EVI5L: variants seen among roughly 807,000 people sequenced by gnomAD.
EVI5L encodes the protein EVI5-like protein.
A neutral mutation model predicts 106.1 loss-of-function variants in EVI5L; 30 were observed. The observed-to-expected ratio is 0.28, with a 90% CI of 0.21 to 0.38. The LOEUF is 0.38. Among genes scored for constraint, EVI5L ranks in the 10% least tolerant of loss-of-function variants. The pLI, the probability that EVI5L is intolerant of heterozygous loss-of-function variation, is 1.00. For synonymous variants in EVI5L, 489 were observed against 483.3 expected, an observed-to-expected ratio of 1.01 and a Z score of -0.15; for missense variants, 809 against 1,098.0, an observed-to-expected ratio of 0.74 and a Z score of 3.72.
chr19:7,861,263 C>G (rs1170360526), intron 14 of EVI5L, among the ~76,000 whole-genome samples: 1 of 152,254 alleles, frequency 6.6e-6, no homozygotes, highest in Non-Finnish European at 1.5e-5. Context: ...AGGCCCTCAT[C>G]ACCAGCCAAG....
chr19:7,847,997 G>T, intron 3 of EVI5L, 76 bp downstream of exon 3: 1 of 1,457,288 alleles, frequency 6.9e-7, no homozygotes, highest in East Asian at 2.5e-5. Context: ...ACCAGGCAGC[G>T]CCAGGGTCTG....
chr19:7,862,044 G>A, intron 15 of EVI5L, 26 bp downstream of exon 15: 2 of 1,538,414 alleles, frequency 1.3e-6, no homozygotes, highest in South Asian at 1.2e-5. Context: ...GCGCCGGCGG[G>A]CAGAGCGCCC....
At chr19:7,862,939 C>CGG in intron 17 of EVI5L, 33 bp from the exon 18 acceptor site, 1 of 1,424,896 alleles carries the variant, frequency 7.0e-7, no homozygotes, top group Non-Finnish European at 9.4e-7. Flanking sequence ...CCCCCTGACC[C>CGG]GCCCTCCTTT....
rs1491081562 is a variant in EVI5L, at chr19:7,857,785, CTG to C, written c.1234-405_1234-404del. ...GATGCCGCTGGGAGAGGTGAATGCC[CTG>C]GGGAGCCCAGCCCTCTCCTGCCGGG... is the stretch of plus-strand genomic sequence containing the variant. On this transcript the variant is annotated intron_variant, in intron 12 of 19. Coordinates refer to ENST00000538904, the MANE Select transcript of EVI5L (RefSeq NM_001159944.3). The surrounding 1 kb of genome is among the most constrained non-coding windows in gnomAD (Gnocchi z 4.5). 3 of 201,138 alleles carry C rather than the reference CTG, an allele frequency of 1.5e-5. No individual in the cohort carries two copies. The highest frequency in any genetic ancestry group is 4.7e-5 in the African/African-American group (2 of 42,740). 12.5% of individuals were successfully genotyped at this position (201,138 alleles called of 1,614,324 possible).
rs1568240666 is a variant in EVI5L, at chr19:7,853,071, G to C, written c.988-15G>C. 6.2e-7 allele frequency: 1 copy of C among 1,613,458 alleles called. No individual in the cohort carries two copies. The highest frequency in any genetic ancestry group is 1.1e-5 in the South Asian group (1 of 91,074). On this transcript the variant is annotated splice_polypyrimidine_tract_variant and intron_variant, in intron 8 of 19. Coordinates refer to ENST00000538904, the MANE Select transcript of EVI5L (RefSeq NM_001159944.3). ...CTGCATGTTGGTGACCAGGTGACCG[G>C]CTGTGTCCCCACAGTACTTCCAGAG...
At position 7,863,765 on chromosome 19, in the gene EVI5L, C is replaced by A. The variant is rs138216298; in HGVS notation, c.*63C>A. On this transcript the variant is annotated 3_prime_UTR_variant, in exon 20 of 20. Coordinates refer to ENST00000538904, the MANE Select transcript of EVI5L (RefSeq NM_001159944.3). This position sits in a 1 kb window ranked among gnomAD's most constrained non-coding sequence, Gnocchi z 7.7. ...CCGCGGGGGGCGCCCGGGCAGTCCGCGTTCTGCTCCCCACCTGCCGCACTT... is the reference window on the plus strand; with the variant it reads ...CCGCGGGGGGCGCCCGGGCAGTCCGAGTTCTGCTCCCCACCTGCCGCACTT... The A allele has an allele frequency of 2.0e-4, 289 of 1,420,064 alleles. 1 individual carries two copies. In the African/African-American group the frequency reaches 3.9e-3, roughly 19 times the overall value. 88.0% of individuals were successfully genotyped at this position (1,420,064 alleles called of 1,614,324 possible). A position where few individuals can be genotyped will look rare whatever the true frequency, so the allele number is the denominator to read the frequency against.
intron 1 of EVI5L, among the ~76,000 whole-genome samples, chr19:7,841,661 G>A (rs766170934): frequency 5.1e-4 from 78 of 152,346 alleles, no homozygotes; most frequent in Middle Eastern, 3.4e-3. Flanking sequence ...AGATGGCTGA[G>A]GAGCAGTTGA....
Position 7,846,698 on chromosome 19 carries a change from G to A in EVI5L, c.137+19G>A, listed in dbSNP as rs1978968762. The A allele has an allele frequency of 1.2e-6, 2 of 1,608,128 alleles. No individual in the cohort carries two copies. The highest frequency in any genetic ancestry group is 1.7e-4 in the Middle Eastern group (1 of 6,020). ...AGAACCGGTGAGTTGGGGGCTGGGG[G>A]ATGGGGTGAAATCTTGGGGTGCAGT... On this transcript the variant is annotated intron_variant, in intron 2 of 19. Coordinates refer to ENST00000538904, the MANE Select transcript of EVI5L (RefSeq NM_001159944.3).
chr19:7,852,399 C>G (rs1030135879), intron 8 of EVI5L, among the ~76,000 whole-genome samples: 17 of 152,274 alleles, frequency 1.1e-4, no homozygotes, highest in African/African-American at 3.6e-4. Context: ...GGAGCTGTGT[C>G]CCCCCTGGGC....
At position 7,848,057 on chromosome 19, in the gene EVI5L, T is replaced by A. The variant is rs1353921138; in HGVS notation, c.327+136T>A. On this transcript the variant is annotated intron_variant, in intron 3 of 19. Transcript: ENST00000538904. The surrounding 1 kb of genome is among the most constrained non-coding windows in gnomAD (Gnocchi z 4.8). ...GCAGCAGTGGAGATGTGCAGGCACT[T>A]TCAGGGTGTCCTGCCAGAGCACAGG... The A allele has an allele frequency of 1.1e-6, 1 of 945,468 alleles. No individual in the cohort carries two copies. The highest frequency in any genetic ancestry group is 1.5e-6 in the Non-Finnish European group (1 of 651,050). The allele number at this position is 945,468 out of a possible 1,614,324, so 58.6% of individuals were successfully genotyped here.
At position 7,850,283 on chromosome 19, in the gene EVI5L, G is replaced by A. The variant is rs149368767; in HGVS notation, c.753+161G>A. On this transcript the variant is annotated intron_variant, in intron 6 of 19. Transcript: ENST00000538904. The surrounding 1 kb of genome is among the most constrained non-coding windows in gnomAD (Gnocchi z 5.4). ...CAAGCCTGTGAAATCACACCTGGAC[G>A]TTCCAACTCCAAAAGGCACTCCTCT... Among the ~76,000 whole-genome samples, 78 of 152,246 alleles carry A rather than the reference G, an allele frequency of 5.1e-4. No individual in the cohort carries two copies. Among genetic ancestry groups the A allele is most frequent in the African/African-American group, 1.8e-3 (75 of 41,518 alleles).
At position 7,858,388 on chromosome 19, in the gene EVI5L, G is replaced by A. The variant is rs1291437383; in HGVS notation, c.1374+57G>A. On this transcript the variant is annotated intron_variant, in intron 13 of 19. Coordinates refer to ENST00000538904, the MANE Select transcript of EVI5L (RefSeq NM_001159944.3). This position sits in a 1 kb window ranked among gnomAD's most constrained non-coding sequence, Gnocchi z 5.7. ...GGCCATGACCCGCGCCCCCGCCCCC[G>A]CCCAACGGTTTTCTTTCAGGGCTCA... is the stretch of plus-strand genomic sequence containing the variant. 34 of 1,360,456 alleles carry A rather than the reference G, an allele frequency of 2.5e-5. No individual in the cohort carries two copies. The highest frequency in any genetic ancestry group is 4.0e-5 in the South Asian group (3 of 74,476). 84.3% of individuals were successfully genotyped at this position (1,360,456 alleles called of 1,614,324 possible).
chr19:7,847,040 C>T (rs559136093), intron 2 of EVI5L, among the ~76,000 whole-genome samples: 16 of 152,292 alleles, frequency 1.1e-4, no homozygotes, highest in African/African-American at 3.9e-4. Context: ...CTCACACCAC[C>T]GAACACTTTG....
intron 1 of EVI5L, among the ~76,000 whole-genome samples, chr19:7,832,157 C>T (rs1039170432): frequency 6.6e-6 from 1 of 152,210 alleles, no homozygotes; most frequent in Non-Finnish European, 1.5e-5. Context: ...CAGGGTCCAA[C>T]CTGTAGGTTC....
intron 1 of EVI5L, among the ~76,000 whole-genome samples, chr19:7,833,441 C>T (rs1978303493): frequency 6.6e-6 from 1 of 152,252 alleles, no homozygotes; most frequent in Non-Finnish European, 1.5e-5. Context: ...GCGCCCTTGC[C>T]ATCCTGGCCT....
chr19:7,846,991 C>T (rs1978981741), intron 2 of EVI5L, among the ~76,000 whole-genome samples: 1 of 152,180 alleles, frequency 6.6e-6, no homozygotes, highest in Non-Finnish European at 1.5e-5. Flanking sequence ...TCTGACCCTA[C>T]CCCCATTTAA....
chr19:7,848,909 T>G lies in EVI5L; in HGVS notation c.328-12T>G, dbSNP rs1297326451. 1 of 1,602,110 alleles carries G rather than the reference T, an allele frequency of 6.2e-7. No homozygotes were observed. The stretch of plus-strand genomic sequence containing the variant: ...ACCGAGTCCAGCCCCCGCTTCCCGC[T>G]CCCGTGGCCAGGAGCTGATCCGCAA... On this transcript the variant is annotated splice_polypyrimidine_tract_variant and intron_variant, in intron 3 of 19. Transcript: ENST00000538904. The surrounding 1 kb of genome is among the most constrained non-coding windows in gnomAD (Gnocchi z 4.8).
chr19:7,855,359 T>C (rs1383920772), intron 10 of EVI5L, among the ~76,000 whole-genome samples: 1 of 152,178 alleles, frequency 6.6e-6, no homozygotes, highest in Admixed American at 6.5e-5. Context: ...CCCAAAGTGC[T>C]GGGATTACAG....
chr19:7,832,785 C>T (rs1978299181), intron 1 of EVI5L, among the ~76,000 whole-genome samples: 1 of 152,172 alleles, frequency 6.6e-6, no homozygotes, highest in Non-Finnish European at 1.5e-5. Context: ...TGGTTATACA[C>T]AGGGTCTTCC....
Sources: gnomAD v4.1 joint callset for allele counts (sites outside exome capture counted in the v4.1 genomes callset) on GRCh38, gnomAD v4.1.1 for gene constraint, Gnocchi (gnomAD v3.1) non-coding constraint, MANE v1.5 for transcripts, NCBI Gene and HGNC (gene_info 2026-07-23, HGNC 2026-07-21) for gene names.